CABLES2: variants seen among roughly 807,000 people sequenced by gnomAD.
The protein encoded by CABLES2 is Cdk5 and Abl enzyme substrate 2.
CABLES2 carries 35 observed loss-of-function variants against 44.8 expected under a neutral mutation model. The observed-to-expected ratio is 0.78, with a 90% confidence interval of 0.60 to 1.04. The LOEUF (loss-of-function observed/expected upper bound fraction) is 1.04. CABLES2 is among the 50% of genes least tolerant of loss of function. CABLES2 has a pLI of 0.00. For synonymous variants in CABLES2, 282 were observed against 281.1 expected, an observed-to-expected ratio of 1.00 and a Z score of -0.03; for missense variants, 566 against 615.7, an observed-to-expected ratio of 0.92 and a Z score of 0.85.
Position 62,400,604 on chromosome 20 carries a change from C to A in CABLES2, c.363-4012G>T, listed in dbSNP as rs149722745. ...CAGCCTGTGTGTCTTTCTGGAAGCT[C>A]CTTCCCACGGGTAATTACCAGGGGA... is the stretch of plus-strand genomic sequence containing the variant. On this transcript the variant is annotated intron_variant, in intron 1 of 9. Coordinates refer to ENST00000279101, the MANE Select transcript of CABLES2 (RefSeq NM_031215.3). Among the ~76,000 whole-genome samples the A allele has an allele frequency of 2.6e-5, 4 of 152,336 alleles. No homozygotes were observed. The East Asian group carries it at 7.7e-4, about 29-fold the overall frequency.
intron 3 of CABLES2, 101 bp from the exon 4 acceptor site, chr20:62,395,115 C>A: frequency 3.0e-6 from 3 of 986,488 alleles, no homozygotes; most frequent in East Asian, 2.6e-5. Context: ...TTCCTTCTGC[C>A]TAAATTCAGG....
At chr20:62,397,146 C>T (rs1988036191) in intron 1 of CABLES2, among the ~76,000 whole-genome samples, 2 of 152,238 alleles carry the variant, frequency 1.3e-5, no homozygotes, top group South Asian at 4.1e-4. Flanking sequence ...GGGGGCTGCT[C>T]CTCCGTCTGG....
At position 62,395,042 on chromosome 20, in the gene CABLES2, G is replaced by A. The variant is rs547933927; in HGVS notation, c.528-28C>T. On this transcript the variant is annotated intron_variant, in intron 3 of 9. Coordinates refer to ENST00000279101, the MANE Select transcript of CABLES2 (RefSeq NM_031215.3). ...GCAGGGGGACGGAGTCAGGGGAGAC[G>A]GGGCCGGGGAGCGGGGCTCAAGGTA... 9.2e-4 allele frequency: 1,466 copies of A among 1,587,012 alleles called. 30 individuals carry two copies. The South Asian group carries it at 0.015, about 16-fold the overall frequency.
At chr20:62,395,760 G>T (rs955992051) in intron 3 of CABLES2, among the ~76,000 whole-genome samples, 11 of 152,352 alleles carry the variant, frequency 7.2e-5, no homozygotes, top group Admixed American at 6.5e-4. Flanking sequence ...CAAGGAGGGT[G>T]CCCGGCAGGG....
Position 62,393,548 on chromosome 20 carries a change from C to T in CABLES2, c.772G>A (p.Asp258Asn), listed in dbSNP as rs1469375390. The change falls in exon 6 of 10, where the codon GAC becomes AAC. Residue 258 changes from aspartate to asparagine, a missense_variant. Physicochemically the swap from Asp to Asn is conservative, Grantham distance 23. Coordinates refer to ENST00000279101, the MANE Select transcript of CABLES2 (RefSeq NM_031215.3). ...PTNALVTHKS[D>N]SHGLLPTPRP... is the part of the protein sequence containing the mutation. ...GGTGTGGGCAGCAGGCCATGGCTGT[C>T]ACTCTTGTGTGTGACCAGGGCGTTG... The T allele has an allele frequency of 1.2e-6, 2 of 1,612,948 alleles. No individual in the cohort carries two copies. Among genetic ancestry groups the T allele is most frequent in the Non-Finnish European group, 1.7e-6 (2 of 1,179,372 alleles).
At chr20:62,398,179 T>TTATGAC (rs1988104121) in intron 1 of CABLES2, among the ~76,000 whole-genome samples, 3 of 95,392 alleles carry the variant, frequency 3.1e-5, no homozygotes, top group East Asian at 2.4e-4. Flanking sequence ...GTAATGGTGG[T>TTATGAC]GGTGGTGATG....
intron 3 of CABLES2, among the ~76,000 whole-genome samples, chr20:62,395,517 G>A (rs183710356): frequency 2.6e-5 from 4 of 152,216 alleles, no homozygotes; most frequent in African/African-American, 9.6e-5. Context: ...CTTCCAAGGC[G>A]CTCGAGCAGC....
At chr20:62,404,775 T>TGGGCA (rs1358392510) in intron 1 of CABLES2, 1 of 152,458 alleles carries the variant, frequency 6.6e-6, no homozygotes, top group Non-Finnish European at 1.5e-5. Flanking sequence ...GAGACAGCCC[T>TGGGCA]GGGCAAGGCA....
chr20:62,397,764 C>T (rs1001866789), intron 1 of CABLES2, among the ~76,000 whole-genome samples: 4 of 152,150 alleles, frequency 2.6e-5, no homozygotes, highest in Non-Finnish European at 4.4e-5. Flanking sequence ...GTTGATACAA[C>T]GTTGCAGTAT....
At chr20:62,394,510 C>T (rs1987979913) in intron 4 of CABLES2, among the ~76,000 whole-genome samples, 2 of 152,198 alleles carry the variant, frequency 1.3e-5, no homozygotes, top group Non-Finnish European at 2.9e-5. Context: ...GGGTGGCGCC[C>T]ACCTTCACTA....
chr20:62,405,276 T>G (rs1988260403), intron 1 of CABLES2: 2 of 152,062 alleles, frequency 1.3e-5, no homozygotes, highest in Admixed American at 1.3e-4. Flanking sequence ...TCCCCTGGAG[T>G]CCACACCTTA....
Position 62,389,976 on chromosome 20 carries a change from G to A in CABLES2, c.*995C>T, listed in dbSNP as rs1987882025. The A allele has an allele frequency of 6.6e-6, 1 of 152,032 alleles. No homozygotes were observed. The highest frequency in any genetic ancestry group is 1.5e-5 in the Non-Finnish European group (1 of 68,008). 9.4% of individuals were successfully genotyped at this position (152,032 alleles called of 1,614,324 possible). A position where few individuals can be genotyped will look rare whatever the true frequency, so the allele number is the denominator to read the frequency against. On this transcript the variant is annotated 3_prime_UTR_variant, in exon 10 of 10. Coordinates refer to ENST00000279101, the MANE Select transcript of CABLES2 (RefSeq NM_031215.3). ...GACCCTTTGAGGTTGTGTGGGGTGT[G>A]GTCAGTGCCCTCCTGCCTGAGGGTC... is the stretch of plus-strand genomic sequence containing the variant.
Position 62,389,112 on chromosome 20 carries a change from A to G in CABLES2, c.*1859T>C, listed in dbSNP as rs1027407601. 2.6e-5 allele frequency: 4 copies of G among 153,786 alleles called. No individual in the cohort carries two copies. Among genetic ancestry groups the G allele is most frequent in the African/African-American group, 9.6e-5 (4 of 41,460 alleles). The allele number at this position is 153,786 out of a possible 1,614,324, so 9.5% of individuals were successfully genotyped here. On this transcript the variant is annotated 3_prime_UTR_variant, in exon 10 of 10. Transcript: ENST00000279101. ...CCTGGAGGGCAGGTTGTAAACTGCA[A>G]CAGTTACTAGGAAGTCAGTCCTTTA...
Position 62,393,559 on chromosome 20 carries a change from G to A in CABLES2, c.761C>T (p.Thr254Ile). 2 of 1,612,248 alleles carry A rather than the reference G, an allele frequency of 1.2e-6. No homozygotes were observed. The highest frequency in any genetic ancestry group is 1.7e-6 in the Non-Finnish European group (2 of 1,178,998). ...KFLYPTNALV[T>I]HKSDSHGLLP... is the part of the protein sequence containing the mutation. Reference sequence around the variant, plus strand: ...CAGGCCATGGCTGTCACTCTTGTGTGTGACCAGGGCGTTGGTGGGATACAG... The same window carrying A: ...CAGGCCATGGCTGTCACTCTTGTGTATGACCAGGGCGTTGGTGGGATACAG... The change falls in exon 6 of 10, where the codon ACA becomes ATA. Residue 254 changes from threonine to isoleucine, a missense_variant. Thr to Ile is a moderately conservative substitution (Grantham distance 89). Coordinates refer to ENST00000279101, the MANE Select transcript of CABLES2 (RefSeq NM_031215.3).
chr20:62,398,178 G>GTGATGA (rs1202631392), intron 1 of CABLES2, among the ~76,000 whole-genome samples: 10 of 96,216 alleles, frequency 1.0e-4, no homozygotes, highest in Admixed American at 9.7e-4. Flanking sequence ...GGTAATGGTG[G>GTGATGA]TGGTGGTGAT....
At chr20:62,406,487 C>T (rs1333751526) in intron 1 of CABLES2, among the ~76,000 whole-genome samples, 2 of 151,998 alleles carry the variant, frequency 1.3e-5, no homozygotes, top group East Asian at 1.9e-4. Context: ...ATCCAGACCC[C>T]GTATTCAGGG....
Position 62,391,383 on chromosome 20 carries a change from C to T in CABLES2, c.1162G>A (p.Val388Met), listed in dbSNP as rs773415363. ...LEPVTVAMAYVYFEKLVLQGK... is the reference protein window; with the variant it reads ...LEPVTVAMAYMYFEKLVLQGK... Reference sequence around the variant, plus strand: ...TGCAGGACCAGCTTCTCAAAGTACACGTAGGCCATGGCCACCGTCACGGGC... The same window carrying T: ...TGCAGGACCAGCTTCTCAAAGTACATGTAGGCCATGGCCACCGTCACGGGC... Residue 388 changes from valine to methionine, a missense_variant, in exon 9 of 10, where the codon GTG (valine) becomes ATG (methionine). By Grantham distance (21) the Val-to-Met change is conservative (BLOSUM62 1). Transcript: ENST00000279101. The surrounding 1 kb of genome is among the most constrained non-coding windows in gnomAD (Gnocchi z 5.7). 50 of 1,613,444 alleles carry T rather than the reference C, an allele frequency of 3.1e-5. No homozygotes were observed. Among genetic ancestry groups the T allele is most frequent in the Non-Finnish European group, 3.9e-5 (46 of 1,180,028 alleles).
intron 1 of CABLES2, among the ~76,000 whole-genome samples, chr20:62,402,037 A>G (rs60824112): frequency 0.099 from 15,090 of 152,160 alleles, 975 homozygotes; most frequent in African/African-American, 0.18. Context: ...GTAGAGTTAC[A>G]CTGGCGGTGC....
At chr20:62,398,088 A>ATGG (rs1569017555) in intron 1 of CABLES2, among the ~76,000 whole-genome samples, 11,620 of 51,414 alleles carry the variant, frequency 0.23, 1,000 homozygotes, top group Non-Finnish European at 0.27. Context: ...GGTGGTGGTG[A>ATGG]CGGTGGTGGT....
Sources: allele counts gnomAD v4.1 joint callset (sites outside exome capture counted in the v4.1 genomes callset), GRCh38; gene constraint gnomAD v4.1.1; non-coding constraint Gnocchi (gnomAD v3.1); transcripts MANE v1.5; gene names NCBI Gene and HGNC (gene_info 2026-07-23, HGNC 2026-07-21).